The following EPHB4 variants were observed in gnomAD, a reference collection of about 807,000 sequenced individuals.
EPHB4 encodes ephrin type-B receptor 4.
Under a neutral mutation model 110.6 loss-of-function variants are expected in EPHB4, and 50 were observed. The observed-to-expected ratio is 0.45, with a 90% confidence interval of 0.36 to 0.57. EPHB4 has a LOEUF of 0.57. Ranked by LOEUF, EPHB4 falls within the 20% of genes least tolerant of loss-of-function variation. The pLI is 0.00. For synonymous variants in EPHB4, 592 were observed against 578.4 expected, an observed-to-expected ratio of 1.02 and a Z score of -0.34; for missense variants, 1,128 against 1,382.1, an observed-to-expected ratio of 0.82 and a Z score of 2.91.
At chr7:100,809,626 G>A (rs1052202583) in intron 12 of EPHB4, among the ~76,000 whole-genome samples, 3 of 152,108 alleles carry the variant, frequency 2.0e-5, no homozygotes, top group Admixed American at 6.5e-5. Flanking sequence ...TGATCCTCCC[G>A]CCTCAGCCTC....
At chr7:100,804,991 C>T (rs1254750076) in intron 16 of EPHB4, among the ~76,000 whole-genome samples, 175 bp downstream of exon 16, 1 of 152,222 alleles carries the variant, frequency 6.6e-6, no homozygotes, top group Non-Finnish European at 1.5e-5. Flanking sequence ...CTTGGGTCCT[C>T]AGCTCCATGG....
chr7:100,810,275 AC>A (rs1812899319), intron 12 of EPHB4, among the ~76,000 whole-genome samples: 1 of 151,770 alleles, frequency 6.6e-6, no homozygotes, highest in Non-Finnish European at 1.5e-5. Flanking sequence ...AACCAAAAAA[AC>A]CCCACATCAG....
At chr7:100,805,814 A>T in intron 14 of EPHB4, 120 bp from the exon 15 acceptor site, 2 of 1,012,486 alleles carry the variant, frequency 2.0e-6, no homozygotes, top group Non-Finnish European at 2.7e-6. Flanking sequence ...CCAAAAAATA[A>T]CAGATCCAGG....
At chr7:100,826,802 C>T in intron 1 of EPHB4, 177 bp downstream of exon 1, 1 of 624,468 alleles carries the variant, frequency 1.6e-6, no homozygotes, top group Admixed American at 3.2e-5. Context: ...ACTCCACTAC[C>T]CGTCGGGCGC....
chr7:100,805,552 T>C lies in EPHB4; in HGVS notation c.2627A>G (p.Lys876Arg). The C allele has an allele frequency of 6.5e-7, 1 of 1,534,620 alleles. No individual in the cohort carries two copies. The highest frequency in any genetic ancestry group is 1.3e-5 in the South Asian group (1 of 78,250). ...GAGGCTGGCGGGGTTCCGGATCATC[T>C]TGTCCAGGGCGCTGACCACCTGGGG... ...RFPQVVSALD[K>R]MIRNPASLKI... The change falls in exon 15 of 17, where the codon AAG (lysine) becomes AGG (arginine). Residue 876 changes from lysine to arginine, a missense_variant. By Grantham distance (26) the Lys-to-Arg change is conservative (BLOSUM62 2). Transcript: ENST00000358173.
intron 8 of EPHB4, among the ~76,000 whole-genome samples, chr7:100,815,941 T>C (rs1813055632): frequency 6.6e-6 from 1 of 152,100 alleles, no homozygotes; most frequent in African/African-American, 2.4e-5. Flanking sequence ...TGAGCTATGA[T>C]GGTGCCACCG....
intron 4 of EPHB4, among the ~76,000 whole-genome samples, chr7:100,821,910 C>T (rs1584665387): frequency 6.6e-6 from 1 of 151,984 alleles, no homozygotes; most frequent in East Asian, 1.9e-4. Flanking sequence ...CCTGTAATCC[C>T]AGCACTTTGG....
chr7:100,827,153 G>T lies in EPHB4; in HGVS notation c.-123C>A. 9.3e-7 allele frequency: 1 copy of T among 1,076,628 alleles called. No individual in the cohort carries two copies. Among genetic ancestry groups the T allele is most frequent in the Non-Finnish European group, 1.3e-6 (1 of 781,768 alleles). 66.7% of individuals were successfully genotyped at this position (1,076,628 alleles called of 1,614,324 possible). On this transcript the variant is annotated 5_prime_UTR_variant, in exon 1 of 17. In the 5' UTR this introduces an upstream ATG that the reference lacks. Transcript: ENST00000358173. ...GCGGGACTCCTCGTCGGGGCCCTCA[G>T]CGCGGGCCCATGCGAGCGTGCGGGG...
rs1813269854 is a variant in EPHB4, at chr7:100,822,776, A to G, written c.412-109T>C. On this transcript the variant is annotated intron_variant, in intron 3 of 16. Coordinates refer to ENST00000358173, the MANE Select transcript of EPHB4 (RefSeq NM_004444.5). This position sits in a 1 kb window ranked among gnomAD's most constrained non-coding sequence, Gnocchi z 4.7. ...CCCGGACCTCCTTGGTTCCCGTTCC[A>G]GAATCTTCCCTCCACCTTCCCCAGG... 3 of 1,413,622 alleles carry G rather than the reference A, an allele frequency of 2.1e-6. No homozygotes were observed. Among genetic ancestry groups the G allele is most frequent in the Admixed American group, 2.9e-5 (1 of 34,762 alleles). The allele number at this position is 1,413,622 out of a possible 1,614,324, so 87.6% of individuals were successfully genotyped here.
Position 100,822,758 on chromosome 7 carries a change from C to G in EPHB4, c.412-91G>C. The G allele has an allele frequency of 7.0e-7, 1 of 1,428,768 alleles. No homozygotes were observed. Among genetic ancestry groups the G allele is most frequent in the Non-Finnish European group, 9.2e-7 (1 of 1,092,272 alleles). The allele number at this position is 1,428,768 out of a possible 1,614,324, so 88.5% of individuals were successfully genotyped here. On this transcript the variant is annotated intron_variant, in intron 3 of 16. Transcript: ENST00000358173. The surrounding 1 kb of genome is among the most constrained non-coding windows in gnomAD (Gnocchi z 4.7). ...TTCTTCCCAGCTCACCCTCCCGGACCTCCTTGGTTCCCGTTCCAGAATCTT... is the reference window on the plus strand; with the variant it reads ...TTCTTCCCAGCTCACCCTCCCGGACGTCCTTGGTTCCCGTTCCAGAATCTT...
In EPHB4 at chr7:100,806,480, A is replaced by G. The variant is rs746811538; in HGVS notation, c.2424T>C (p.Ile808=). 4 of 1,613,894 alleles carry G rather than the reference A, an allele frequency of 2.5e-6. No individual in the cohort carries two copies. The highest frequency in any genetic ancestry group is 3.4e-6 in the Non-Finnish European group (4 of 1,179,996). Residue 808 remains isoleucine (I), a synonymous_variant, in exon 14 of 17, where the codon ATT becomes ATC. Coordinates refer to ENST00000358173, the MANE Select transcript of EPHB4 (RefSeq NM_004444.5). ...TSASDAWSYG[I]VMWEVMSFGE... ...CAAATGACATCACCTCCCACATCAC[A>G]ATCCCGTAACTCCAGGCATCACTGG...
At position 100,807,592 on chromosome 7, in the gene EPHB4, A is replaced by G. The variant is rs759686107; in HGVS notation, c.2119-12T>C. 1 of 1,609,962 alleles carries G rather than the reference A, an allele frequency of 6.2e-7. No individual in the cohort carries two copies. On this transcript the variant is annotated splice_polypyrimidine_tract_variant and intron_variant, in intron 12 of 16. Coordinates refer to ENST00000358173, the MANE Select transcript of EPHB4 (RefSeq NM_004444.5). ...TGTCCGTCGTTTAGCTGGAGAGCAG[A>G]TAGGGTGGGGGCTTGGTGAGGACAG...
rs1483288844 is a variant in EPHB4, at chr7:100,823,938, A to G, written c.124-7T>C. 1 of 1,572,704 alleles carries G rather than the reference A, an allele frequency of 6.4e-7. No individual in the cohort carries two copies. Among genetic ancestry groups the G allele is most frequent in the East Asian group, 2.3e-5 (1 of 42,764 alleles). On this transcript the variant is annotated splice_polypyrimidine_tract_variant and splice_region_variant and intron_variant, in intron 2 of 16. Coordinates refer to ENST00000358173, the MANE Select transcript of EPHB4 (RefSeq NM_004444.5). ...GGCCGCTCAGTTCCTCCCACTGTGC[A>G]GAGAAGGAGGTCAGCAAGGGGGCTG... is the stretch of plus-strand genomic sequence containing the variant.
chr7:100,804,663 G>T (rs990383515), intron 16 of EPHB4, among the ~76,000 whole-genome samples: 2 of 152,088 alleles, frequency 1.3e-5, no homozygotes, highest in African/African-American at 2.4e-5. Context: ...GGGGTGAGAG[G>T]AGATCTTGGG....
chr7:100,816,515 G>A (rs556098472), intron 8 of EPHB4, among the ~76,000 whole-genome samples: 5 of 152,014 alleles, frequency 3.3e-5, no homozygotes, highest in African/African-American at 1.2e-4. Context: ...TATATTTTTA[G>A]TAGAGACGCG....
chr7:100,807,514 G>T lies in EPHB4; in HGVS notation c.2185C>A (p.Arg729=). 2.5e-6 allele frequency: 4 copies of T among 1,614,094 alleles called. No individual in the cohort carries two copies. The highest frequency in any genetic ancestry group is 3.4e-6 in the Non-Finnish European group (4 of 1,180,018). Residue 729 remains arginine, a synonymous_variant, in exon 13 of 17, where the codon CGG becomes AGG. Coordinates refer to ENST00000358173, the MANE Select transcript of EPHB4 (RefSeq NM_004444.5). The part of the protein sequence containing the change: ...GMLRGIASGM[R]YLAEMSYVHR... ...ACGTAGCTCATCTCGGCAAGGTACCGCATGCCCGAGGCGATGCCCCGCAGC... is the reference window on the plus strand; with the variant it reads ...ACGTAGCTCATCTCGGCAAGGTACCTCATGCCCGAGGCGATGCCCCGCAGC...
In EPHB4 at chr7:100,827,136, C is replaced by T; in HGVS notation, c.-106G>A. ...GGACGCCGATACTCCGCGCGGGACT[C>T]CTCGTCGGGGCCCTCAGCGCGGGCC... On this transcript the variant is annotated 5_prime_UTR_variant, in exon 1 of 17. Coordinates refer to ENST00000358173, the MANE Select transcript of EPHB4 (RefSeq NM_004444.5). 7.8e-7 allele frequency: 1 copy of T among 1,274,670 alleles called. No homozygotes were observed. The highest frequency in any genetic ancestry group is 1.1e-6 in the Non-Finnish European group (1 of 932,810). The allele number at this position is 1,274,670 out of a possible 1,614,324, so 79.0% of individuals were successfully genotyped here.
intron 1 of EPHB4, chr7:100,824,575 A>G (rs1584667723): frequency 2.6e-6 from 1 of 380,002 alleles, no homozygotes; most frequent in East Asian, 5.2e-5. Context: ...CAGCTCAGAA[A>G]GGGTTAAAAT....
intron 7 of EPHB4, among the ~76,000 whole-genome samples, 154 bp from the exon 8 acceptor site, chr7:100,817,511 T>TA (rs1298654170): frequency 6.6e-6 from 1 of 152,184 alleles, no homozygotes; most frequent in African/African-American, 2.4e-5. Flanking sequence ...CCATGTGCTG[T>TA]ATTCATAATA....
Sources: allele counts gnomAD v4.1 joint callset (sites outside exome capture counted in the v4.1 genomes callset), GRCh38; gene constraint gnomAD v4.1.1; non-coding constraint Gnocchi (gnomAD v3.1); transcripts MANE v1.5; gene names NCBI Gene and HGNC (gene_info 2026-07-23, HGNC 2026-07-21).